NELL1: variants seen among roughly 807,000 people sequenced by gnomAD.
The protein encoded by NELL1 is protein kinase C-binding protein NELL1.
Under a neutral mutation model 107.4 loss-of-function variants are expected in NELL1, and 76 were observed. That is an observed-to-expected ratio of 0.71 (90% CI 0.59 to 0.86). The LOEUF (loss-of-function observed/expected upper bound fraction) is 0.86. NELL1 is among the 40% of genes least tolerant of loss of function. The pLI is 0.00. For missense variants in NELL1, 1,024 were observed against 1,005.5 expected, an observed-to-expected ratio of 1.02 and a Z score of -0.25; for synonymous variants, 353 against 341.2, an observed-to-expected ratio of 1.03 and a Z score of -0.38.
At chr11:21,373,935 G>A (rs114679712) in intron 15 of NELL1, among the ~76,000 whole-genome samples, 7 of 152,146 alleles carry the variant, frequency 4.6e-5, no homozygotes, top group South Asian at 2.1e-4. Flanking sequence ...GATGGAAAAG[G>A]GCTGCTGGTG....
At chr11:20,819,092 C>T (rs1187039194) in intron 3 of NELL1, among the ~76,000 whole-genome samples, 1 of 152,220 alleles carries the variant, frequency 6.6e-6, no homozygotes, top group Non-Finnish European at 1.5e-5. Context: ...TTTACTGGCT[C>T]TTTAAACTTA....
chr11:20,759,822 G>T (rs908944), intron 2 of NELL1, among the ~76,000 whole-genome samples: 87,935 of 151,980 alleles, frequency 0.58, 26,581 homozygotes, highest in Middle Eastern at 0.75. Flanking sequence ...CAGCCCTCTG[G>T]GGGAGCAGAG....
intron 17 of NELL1, among the ~76,000 whole-genome samples, chr11:21,564,916 T>C (rs772271066): frequency 6.6e-6 from 1 of 151,868 alleles, no homozygotes; most frequent in Non-Finnish European, 1.5e-5. Context: ...AGCGACACTC[T>C]CAAGAACTCA....
intron 10 of NELL1, 30 bp downstream of exon 10, chr11:20,937,889 T>C (rs756238269): frequency 4.4e-6 from 7 of 1,597,972 alleles, no homozygotes; most frequent in Non-Finnish European, 6.0e-6. Context: ...TCCCTATCAC[T>C]TCTGGAAAAT....
chr11:21,246,933 T>A (rs1858508765), intron 14 of NELL1, among the ~76,000 whole-genome samples: 1 of 152,182 alleles, frequency 6.6e-6, no homozygotes, highest in Admixed American at 6.5e-5. Context: ...ACCGCCCCCA[T>A]GATTCAATTA....
intron 14 of NELL1, among the ~76,000 whole-genome samples, chr11:21,312,059 A>G (rs1849761461): frequency 6.6e-6 from 1 of 152,126 alleles, no homozygotes; most frequent in Non-Finnish European, 1.5e-5. Flanking sequence ...CTTACCAGAC[A>G]CTGAATCTGC....
chr11:21,097,040 A>G (rs1017583296), intron 12 of NELL1, among the ~76,000 whole-genome samples: 3 of 152,020 alleles, frequency 2.0e-5, no homozygotes, highest in Non-Finnish European at 2.9e-5. Context: ...TGACCTTGCC[A>G]TTGCTTAACT....
At chr11:20,717,343 C>G (rs888011717) in intron 2 of NELL1, among the ~76,000 whole-genome samples, 2 of 152,194 alleles carry the variant, frequency 1.3e-5, no homozygotes, top group Admixed American at 6.5e-5. Context: ...TAAATCACTT[C>G]AGTCATGCTG....
intron 15 of NELL1, among the ~76,000 whole-genome samples, chr11:21,445,059 G>A (rs759352304): frequency 6.6e-6 from 1 of 152,000 alleles, no homozygotes; most frequent in Non-Finnish European, 1.5e-5. Flanking sequence ...ACTAATAAAT[G>A]TCTATACTTT....
intron 12 of NELL1, among the ~76,000 whole-genome samples, chr11:21,043,904 T>C (rs1590576965): frequency 6.6e-6 from 1 of 152,122 alleles, no homozygotes; most frequent in Non-Finnish European, 1.5e-5. Flanking sequence ...AGATTTCTAT[T>C]TGGACCATGT....
At chr11:21,200,885 A>G (rs564234465) in intron 13 of NELL1, among the ~76,000 whole-genome samples, 1 of 152,310 alleles carries the variant, frequency 6.6e-6, no homozygotes, top group Admixed American at 6.5e-5. Context: ...CATTTATTAA[A>G]TAGAGTATTC....
Position 21,033,373 on chromosome 11 carries a change from C to G in NELL1, c.1300+72813C>G, listed in dbSNP as rs556692468. ...GTACTCAATAGTTATTTTTTCTGAT[C>G]CTTTCCCTCCTCCCACCCTCCACCT... is the stretch of plus-strand genomic sequence containing the variant. On this transcript the variant is annotated intron_variant, in intron 12 of 19. Transcript: ENST00000357134. Among the ~76,000 whole-genome samples the G allele has an allele frequency of 1.7e-4, 26 of 152,140 alleles. No individual in the cohort carries two copies. In the South Asian group the frequency reaches 5.2e-3, roughly 30 times the overall value.
intron 2 of NELL1, among the ~76,000 whole-genome samples, chr11:20,711,281 T>A (rs1047893000): frequency 6.6e-6 from 1 of 152,172 alleles, no homozygotes; most frequent in Non-Finnish European, 1.5e-5. Context: ...TCCTTAGGTG[T>A]TAGATGAGTC....
chr11:20,893,369 GT>G (rs34392122), intron 5 of NELL1, among the ~76,000 whole-genome samples: 73 of 144,584 alleles, frequency 5.0e-4, no homozygotes, highest in African/African-American at 1.1e-3. Flanking sequence ...TGTATCCCGT[GT>G]TTTTTTTTTT....
intron 12 of NELL1, among the ~76,000 whole-genome samples, chr11:20,988,383 A>G (rs1264096399): frequency 2.0e-5 from 3 of 151,446 alleles, no homozygotes; most frequent in Non-Finnish European, 1.5e-5. Flanking sequence ...GTACATATAT[A>G]TGTGTATATA....
At chr11:20,700,310 C>A (rs1201739723) in intron 2 of NELL1, among the ~76,000 whole-genome samples, 1 of 151,938 alleles carries the variant, frequency 6.6e-6, no homozygotes, top group African/African-American at 2.4e-5. Context: ...GAAACCCCGT[C>A]TCTACTAAAA....
At chr11:21,367,963 G>A (rs1465324313) in intron 14 of NELL1, among the ~76,000 whole-genome samples, 1 of 152,062 alleles carries the variant, frequency 6.6e-6, no homozygotes, top group Non-Finnish European at 1.5e-5. Flanking sequence ...TCATTGAAAT[G>A]CTGAGTTCAT....
intron 14 of NELL1, among the ~76,000 whole-genome samples, chr11:21,230,864 T>C (rs1280799357): frequency 6.6e-6 from 1 of 152,154 alleles, no homozygotes; most frequent in Admixed American, 6.5e-5. Flanking sequence ...AAAGTACGTA[T>C]TCTACTGATT....
chr11:21,338,684 G>A (rs141936358), intron 14 of NELL1, among the ~76,000 whole-genome samples: 166 of 132,128 alleles, frequency 1.3e-3, no homozygotes, highest in African/African-American at 4.7e-3. Context: ...TTGCACGGAG[G>A]AAACAAACAT....
Sources: allele counts gnomAD v4.1 joint callset (sites outside exome capture counted in the v4.1 genomes callset), GRCh38; gene constraint gnomAD v4.1.1; transcripts MANE v1.5; gene names NCBI Gene and HGNC (gene_info 2026-07-23, HGNC 2026-07-21).